Variants in FAIM2 observed in about 807,000 individuals in gnomAD.
FAIM2 encodes Fas apoptotic inhibitory molecule 2.
Under a neutral mutation model 47.4 loss-of-function variants are expected in FAIM2, and 27 were observed. The observed-to-expected ratio is 0.57, with a 90% CI of 0.42 to 0.78. The LOEUF (loss-of-function observed/expected upper bound fraction) is 0.78, where lower values mean the gene tolerates loss of function less well. FAIM2 is among the 30% of genes least tolerant of loss of function. The pLI is 0.00. For synonymous variants in FAIM2, 156 were observed against 159.3 expected (o/e 0.98, Z 0.16); for missense variants, 311 against 389.4 (o/e 0.80, Z 1.69).
At chr12:49,899,083 G>T (rs1226500451) in intron 2 of FAIM2, among the ~76,000 whole-genome samples, 1 of 152,096 alleles carries the variant, frequency 6.6e-6, no homozygotes, top group Non-Finnish European at 1.5e-5. Flanking sequence ...GAACTTACTA[G>T]ATGTGTGACC....
chr12:49,889,460 C>T, intron 9 of FAIM2, 21 bp downstream of exon 9: 1 of 1,608,958 alleles, frequency 6.2e-7, no homozygotes. Flanking sequence ...GGGGTCCCTG[C>T]CTGCAGGCCC....
chr12:49,887,840 C>G (rs1190931303), intron 10 of FAIM2, among the ~76,000 whole-genome samples: 1 of 152,138 alleles, frequency 6.6e-6, no homozygotes, highest in Non-Finnish European at 1.5e-5. Context: ...TCAGGGCACT[C>G]CTGGGCTCTG....
rs1284139562 is a variant in FAIM2 at position 49,880,204 on chromosome 12, G to GTATA, written c.801+7181_801+7182insTATA. Reference sequence around the variant, plus strand: ...TGCATGTGTGTATATGTGCATGTGTGTGTGCATGTGTGTATATGTGCATGC... The same window carrying GTATA: ...TGCATGTGTGTATATGTGCATGTGTGTATATGTGCATGTGTGTATATGTGCATGC... On this transcript the variant is annotated intron_variant, in intron 11 of 11. Coordinates refer to ENST00000320634, the MANE Select transcript of FAIM2 (RefSeq NM_012306.4). Among the ~76,000 whole-genome samples the GTATA allele has an allele frequency of 2.5e-3, 278 of 113,392 alleles. 1 individual carries two copies. Among genetic ancestry groups the GTATA allele is most frequent in the South Asian group, 5.6e-3 (21 of 3,772 alleles). 74.4% of individuals were successfully genotyped at this position (113,392 alleles called of 152,430 possible). A position where few individuals can be genotyped will look rare whatever the true frequency, so the allele number is the denominator to read the frequency against.
chr12:49,894,383 C>T (rs528320054), intron 5 of FAIM2, among the ~76,000 whole-genome samples: 23 of 152,288 alleles, frequency 1.5e-4, no homozygotes, highest in African/African-American at 4.6e-4. Flanking sequence ...CCTCCACCAC[C>T]GCAGACACGG....
intron 5 of FAIM2, among the ~76,000 whole-genome samples, chr12:49,894,939 G>A (rs1946925428): frequency 1.3e-5 from 2 of 152,162 alleles, no homozygotes; most frequent in South Asian, 4.1e-4. Flanking sequence ...TATTCCAAAA[G>A]GAAGAGACCC....
At chr12:49,882,499 G>A (rs1203475946) in intron 11 of FAIM2, among the ~76,000 whole-genome samples, 1 of 152,204 alleles carries the variant, frequency 6.6e-6, no homozygotes, top group Non-Finnish European at 1.5e-5. Context: ...CAGGGGAGCT[G>A]CAGATGAACA....
chr12:49,878,047 CATGTGT>C (rs1201229012), intron 11 of FAIM2, among the ~76,000 whole-genome samples: 1 of 94,290 alleles, frequency 1.1e-5, no homozygotes, highest in Non-Finnish European at 2.0e-5. Context: ...TATGCATGTG[CATGTGT>C]ATATGTGCGT....
intron 10 of FAIM2, among the ~76,000 whole-genome samples, chr12:49,888,332 A>G (rs975647034): frequency 6.6e-6 from 1 of 152,094 alleles, no homozygotes; most frequent in African/African-American, 2.4e-5. Flanking sequence ...GGCAGGATGG[A>G]GGTGGGGAGG....
At chr12:49,899,606 CACCAGACTA>C (rs1445826721) in intron 2 of FAIM2, among the ~76,000 whole-genome samples, 1 of 152,232 alleles carries the variant, frequency 6.6e-6, no homozygotes, top group African/African-American at 2.4e-5. Context: ...CCTGCCTCTT[CACCAGACTA>C]ACTCATGCCT....
intron 11 of FAIM2, among the ~76,000 whole-genome samples, chr12:49,878,954 G>C (rs1016343814): frequency 7.3e-6 from 1 of 136,560 alleles, no homozygotes; most frequent in Admixed American, 8.2e-5. Context: ...GTATGTTCAT[G>C]TGTATATGTG....
intron 11 of FAIM2, among the ~76,000 whole-genome samples, chr12:49,880,492 G>GTGTGTA (rs1555158545): frequency 1.2e-5 from 1 of 84,232 alleles, no homozygotes; most frequent in African/African-American, 5.5e-5. Flanking sequence ...GTATGCATGT[G>GTGTGTA]TATGTGTGTG....
intron 4 of FAIM2, 96 bp from the exon 5 acceptor site, chr12:49,897,180 C>T: frequency 9.2e-7 from 1 of 1,091,988 alleles, no homozygotes; most frequent in Admixed American, 1.7e-5. Flanking sequence ...GTTCACAGAA[C>T]TTGAGAGGAA....
At chr12:49,883,747 C>T (rs755786768) in intron 11 of FAIM2, among the ~76,000 whole-genome samples, 22 of 152,108 alleles carry the variant, frequency 1.4e-4, no homozygotes, top group Non-Finnish European at 2.2e-4. Context: ...GCTGTAGAAA[C>T]GCCTGGGTGG....
chr12:49,889,577 C>A lies in FAIM2; in HGVS notation c.564-9G>T. ...AGGTGGTGTTGTAGTAGCTGAGGACCGTCAGGCCGAGGGGTCAGCTCTCAG... is the reference window on the plus strand; with the variant it reads ...AGGTGGTGTTGTAGTAGCTGAGGACAGTCAGGCCGAGGGGTCAGCTCTCAG... On this transcript the variant is annotated splice_polypyrimidine_tract_variant and intron_variant, in intron 8 of 11. Coordinates refer to ENST00000320634, the MANE Select transcript of FAIM2 (RefSeq NM_012306.4). 6.2e-7 allele frequency: 1 copy of A among 1,613,302 alleles called. No homozygotes were observed. Among genetic ancestry groups the A allele is most frequent in the South Asian group, 1.1e-5 (1 of 91,024 alleles).
At chr12:49,881,256 C>G (rs1031201511) in intron 11 of FAIM2, among the ~76,000 whole-genome samples, 1 of 152,174 alleles carries the variant, frequency 6.6e-6, no homozygotes, top group African/African-American at 2.4e-5. Flanking sequence ...CTCAGCTTCT[C>G]ACTAATCTTC....
In FAIM2 at chr12:49,877,770, G is replaced by C. The variant is rs573603836; in HGVS notation, c.802-7117C>G. 7.6e-4 allele frequency among the ~76,000 whole-genome samples: 115 copies of C among 152,202 alleles called. 1 individual carries two copies. Among genetic ancestry groups the C allele is most frequent in the African/African-American group, 2.7e-3 (113 of 41,514 alleles). On this transcript the variant is annotated intron_variant, in intron 11 of 11. Transcript: ENST00000320634. ...TATATATACGTGTGTATGTGCGTAT[G>C]TATATGTGTGTGCATGTGTATATAT...
chr12:49,879,628 A>T (rs1056785088), intron 11 of FAIM2, among the ~76,000 whole-genome samples: 5 of 146,886 alleles, frequency 3.4e-5, no homozygotes, highest in African/African-American at 1.0e-4. Flanking sequence ...ATGTGTGTAT[A>T]TGTGCGTGTA....
rs1165613493 is a variant in FAIM2, at chr12:49,879,276, ATGTG to A, written c.801+8106_801+8109del. Among the ~76,000 whole-genome samples the A allele has an allele frequency of 2.1e-4, 12 of 57,160 alleles. 1 individual carries two copies. Among genetic ancestry groups the A allele is most frequent in the African/African-American group, 1.0e-3 (10 of 9,872 alleles). 37.5% of individuals were successfully genotyped at this position (57,160 alleles called of 152,430 possible). ...CATGTGTGTATGTGTGCATGTGTAT[ATGTG>A]TGTATGTGTGTGGGTATGTGTATGC... On this transcript the variant is annotated intron_variant, in intron 11 of 11. Coordinates refer to ENST00000320634, the MANE Select transcript of FAIM2 (RefSeq NM_012306.4).
At chr12:49,892,979 A>G (rs573038556) in intron 5 of FAIM2, among the ~76,000 whole-genome samples, 178 of 152,154 alleles carry the variant, frequency 1.2e-3, no homozygotes, top group Non-Finnish European at 2.2e-3. Flanking sequence ...GCTACACCCA[A>G]TTAACCACCT....
Sources: allele counts gnomAD v4.1 joint callset (sites outside exome capture counted in the v4.1 genomes callset), GRCh38; gene constraint gnomAD v4.1.1; transcripts MANE v1.5; gene names NCBI Gene and HGNC (gene_info 2026-07-23, HGNC 2026-07-21).